Variants in SUGP2 observed in about 807,000 individuals in gnomAD.
The protein encoded by SUGP2 is SURP and G-patch domain-containing protein 2.
A neutral mutation model predicts 90.5 loss-of-function variants in SUGP2; 24 were observed. The observed-to-expected ratio is 0.27, with a 90% CI of 0.19 to 0.37. SUGP2 has a LOEUF of 0.37. Ranked by LOEUF, SUGP2 falls within the 10% of genes least tolerant of loss-of-function variation. SUGP2 has a pLI of 1.00. For synonymous variants in SUGP2, 473 were observed against 513.4 expected, an observed-to-expected ratio of 0.92 and a Z score of 1.06; for missense variants, 1,233 against 1,363.3, an observed-to-expected ratio of 0.90 and a Z score of 1.51.
At chr19:19,012,052 C>T (rs1023170188) in intron 4 of SUGP2, among the ~76,000 whole-genome samples, 2 of 152,184 alleles carry the variant, frequency 1.3e-5, no homozygotes, top group South Asian at 2.1e-4. Context: ...CTGTGTGTTG[C>T]ACAGCATTGG....
At chr19:18,995,684 A>G (rs1297999566) in intron 8 of SUGP2, among the ~76,000 whole-genome samples, 1 of 152,172 alleles carries the variant, frequency 6.6e-6, no homozygotes, top group Non-Finnish European at 1.5e-5. Flanking sequence ...ACAGGCCTGC[A>G]GGCAGGATGG....
Position 19,033,492 on chromosome 19 carries a change from C to T in SUGP2, c.-67G>A. The T allele has an allele frequency of 1.4e-6, 2 of 1,406,064 alleles. No homozygotes were observed. The allele number at this position is 1,406,064 out of a possible 1,614,324, so 87.1% of individuals were successfully genotyped here. A position where few individuals can be genotyped will look rare whatever the true frequency, so the allele number is the denominator to read the frequency against. On this transcript the variant is annotated 5_prime_UTR_variant, in exon 1 of 11. Coordinates refer to ENST00000452918, the MANE Select transcript of SUGP2 (RefSeq NM_001017392.5). The stretch of plus-strand genomic sequence containing the variant: ...GCCGCCGCCTCAGGCTCCTCACCCG[C>T]CGCCGCCGCCGCGCGAGGCGGGGAC...
chr19:19,002,146 G>A (rs538260164), intron 7 of SUGP2, among the ~76,000 whole-genome samples: 1 of 152,296 alleles, frequency 6.6e-6, no homozygotes, highest in African/African-American at 2.4e-5. Context: ...TTGGGAGGCC[G>A]AGATGGGCGG....
chr19:19,009,355 CAGAG>C (rs146235029), intron 5 of SUGP2, among the ~76,000 whole-genome samples: 2,954 of 152,238 alleles, frequency 0.019, 100 homozygotes, highest in African/African-American at 0.068. Context: ...GCCTGTGGTA[CAGAG>C]AGAAAGAAAC....
At chr19:19,007,105 G>C (rs2058105586) in intron 6 of SUGP2, among the ~76,000 whole-genome samples, 1 of 152,172 alleles carries the variant, frequency 6.6e-6, no homozygotes, top group South Asian at 2.1e-4. Flanking sequence ...TTCTCTGGAG[G>C]GGACATCTCA....
rs2057450206 is a variant in SUGP2 at position 18,993,575 on chromosome 19, AAAG to A, written c.*163_*165del. 6.6e-6 allele frequency: 1 copy of A among 152,548 alleles called. No individual in the cohort carries two copies. The highest frequency in any genetic ancestry group is 2.4e-5 in the African/African-American group (1 of 41,416). 9.4% of individuals were successfully genotyped at this position (152,548 alleles called of 1,614,324 possible). Reference sequence around the variant, plus strand: ...TGGTGCATGTTTTTTTCTTTGAGAGAAAGAAAAGCCAGCGAAACCTCCGCCCCA... The same window carrying A: ...TGGTGCATGTTTTTTTCTTTGAGAGAAAAAGCCAGCGAAACCTCCGCCCCA... On this transcript the variant is annotated 3_prime_UTR_variant, in exon 11 of 11. Coordinates refer to ENST00000452918, the MANE Select transcript of SUGP2 (RefSeq NM_001017392.5).
At position 19,025,596 on chromosome 19, in the gene SUGP2, C is replaced by G. The variant is rs767741697; in HGVS notation, c.752G>C (p.Ser251Thr). The G allele has an allele frequency of 6.2e-6, 10 of 1,613,698 alleles. No homozygotes were observed. The Admixed American group carries it at 1.7e-4, about 27-fold the overall frequency. The change falls in exon 3 of 11, where the codon AGC becomes ACC. Residue 251 changes from serine (S) to threonine (T), a missense_variant. Ser to Thr is a moderately conservative substitution (Grantham distance 58, BLOSUM62 1). Around this residue, in one of 8 missense-constraint regions of SUGP2, gnomAD observed 418 missense variants for 399.9 expected, o/e 1.05. Coordinates refer to ENST00000452918, the MANE Select transcript of SUGP2 (RefSeq NM_001017392.5). ...ATTCACGGTGGGTATTTTTTTTGTG[C>G]TCACATTTCTCAATGTGACAAGTTT... ...VGKLVTLRNV[S>T]TKKIPTVNRI...
chr19:18,997,682 C>T (rs2057659897), intron 8 of SUGP2, among the ~76,000 whole-genome samples: 2 of 148,808 alleles, frequency 1.3e-5, no homozygotes. Context: ...ACTCTGGAGG[C>T]TGAGGCAGGA....
chr19:19,001,177 G>C (rs987166238), intron 8 of SUGP2, among the ~76,000 whole-genome samples: 1 of 151,968 alleles, frequency 6.6e-6, no homozygotes, highest in African/African-American at 2.4e-5. Context: ...CACCATGCCC[G>C]GCTAATTTTT....
chr19:19,025,894 C>T lies in SUGP2; in HGVS notation c.454G>A (p.Val152Ile). The T allele has an allele frequency of 6.2e-7, 1 of 1,614,208 alleles. No homozygotes were observed. Residue 152 changes from valine to isoleucine, a missense_variant, in exon 3 of 11, where the codon GTT becomes ATT. Physicochemically the swap from Val to Ile is conservative, Grantham distance 29. This residue lies in a region of SUGP2 where 418 missense variants were observed against 399.9 expected (regional missense o/e 1.05). Coordinates refer to ENST00000452918, the MANE Select transcript of SUGP2 (RefSeq NM_001017392.5). Reference protein sequence around the residue: ...GSWEQDFGHPVSQESSWSQEY... With the variant: ...GSWEQDFGHPISQESSWSQEY... ...TGTGACCAAGAGGACTCTTGAGAAA[C>T]TGGATGGCCAAAGTCTTGTTCCCAA...
intron 6 of SUGP2, among the ~76,000 whole-genome samples, chr19:19,006,852 G>A (rs748479305): frequency 6.6e-6 from 1 of 152,248 alleles, no homozygotes; most frequent in East Asian, 1.9e-4. Flanking sequence ...CCAGTCATAA[G>A]CCAAGGCTGC....
At chr19:19,004,955 C>T (rs907079395) in intron 6 of SUGP2, among the ~76,000 whole-genome samples, 2 of 152,244 alleles carry the variant, frequency 1.3e-5, no homozygotes, top group African/African-American at 4.8e-5. Flanking sequence ...AGACCCATCT[C>T]ACCCTTTCTG....
chr19:19,029,386 G>A (rs1214411769), intron 2 of SUGP2, among the ~76,000 whole-genome samples: 5 of 142,224 alleles, frequency 3.5e-5, no homozygotes, highest in African/African-American at 1.0e-4. Flanking sequence ...CGCCCGCCTC[G>A]GCCTCCCAAA....
At chr19:19,028,467 T>C (rs537516249) in intron 2 of SUGP2, among the ~76,000 whole-genome samples, 1 of 152,212 alleles carries the variant, frequency 6.6e-6, no homozygotes, top group African/African-American at 2.4e-5. Flanking sequence ...AACCCAGGTA[T>C]TGATGATTGG....
chr19:18,993,345 A>G lies in SUGP2; in HGVS notation c.*396T>C, dbSNP rs934108124. 6.6e-5 allele frequency: 10 copies of G among 152,160 alleles called. No individual in the cohort carries two copies. Among genetic ancestry groups the G allele is most frequent in the African/African-American group, 2.4e-4 (10 of 41,432 alleles). The allele number at this position is 152,160 out of a possible 1,614,324, so 9.4% of individuals were successfully genotyped here. On this transcript the variant is annotated 3_prime_UTR_variant, in exon 11 of 11. Transcript: ENST00000452918. The stretch of plus-strand genomic sequence containing the variant: ...AAACACCATCTGTGATCGTTTCCAC[A>G]TCACGTTTGCTAACAGAGCACTTCT...
chr19:19,005,455 C>T (rs1000823144), intron 6 of SUGP2, among the ~76,000 whole-genome samples: 2 of 152,038 alleles, frequency 1.3e-5, no homozygotes, highest in African/African-American at 4.8e-5. Context: ...TCTGGGAAAA[C>T]TCTGAACAAG....
rs2058911456 is a variant in SUGP2, at chr19:19,025,961, C to G, written c.387G>C (p.Gly129=). Residue 129 remains glycine (G), a synonymous_variant, in exon 3 of 11, where the codon GGG becomes GGC. Coordinates refer to ENST00000452918, the MANE Select transcript of SUGP2 (RefSeq NM_001017392.5). The part of the protein sequence containing the change: ...RDQVIGHRKL[G]HFRSQDWKFA... Reference sequence around the variant, plus strand: ...ATTTCCAGTCCTGAGAACGGAAATGCCCCAATTTCCGGTGGCCAATGACCT... The same window carrying G: ...ATTTCCAGTCCTGAGAACGGAAATGGCCCAATTTCCGGTGGCCAATGACCT... The G allele has an allele frequency of 1.2e-6, 2 of 1,614,132 alleles. No homozygotes were observed. Among genetic ancestry groups the G allele is most frequent in the African/African-American group, 1.3e-5 (1 of 75,028 alleles).
At chr19:19,033,259 CG>C in intron 1 of SUGP2, 177 bp downstream of exon 1, 1 of 614,462 alleles carries the variant, frequency 1.6e-6, no homozygotes, top group Non-Finnish European at 2.1e-6. Flanking sequence ...ATGGGGGCGC[CG>C]GGCCCGGGAG....
At chr19:19,019,325 C>A (rs1406177578) in intron 3 of SUGP2, 96 bp from the exon 4 acceptor site, 3 of 1,389,456 alleles carry the variant, frequency 2.2e-6, no homozygotes, top group East Asian at 4.9e-5. Flanking sequence ...GTGCTGAACC[C>A]AAGCAGGCAT....
Sources: gnomAD v4.1 joint callset for allele counts (sites outside exome capture counted in the v4.1 genomes callset) on GRCh38, gnomAD v4.1.1 for gene constraint, gnomAD v4.1.1 regional missense constraint, MANE v1.5 for transcripts, NCBI Gene and HGNC (gene_info 2026-07-23, HGNC 2026-07-21) for gene names.